Variants in MCF2L2 observed in about 807,000 individuals in gnomAD.
MCF2L2 encodes the protein probable guanine nucleotide exchange factor MCF2L2.
A neutral mutation model predicts 150.2 loss-of-function variants in MCF2L2; 102 were observed. The ratio of observed to expected loss-of-function variants is 0.68; its 90% CI spans 0.58 to 0.80. MCF2L2 has a LOEUF of 0.80. Among genes scored for constraint, MCF2L2 ranks in the 30% least tolerant of loss-of-function variants. MCF2L2 has a pLI of 0.00. For missense variants in MCF2L2, 1,256 were observed against 1,372.8 expected (o/e 0.91, Z 1.34); for synonymous variants, 465 against 491.3 (o/e 0.95, Z 0.71).
chr3:183,392,515 T>A (rs190227759), intron 1 of MCF2L2, among the ~76,000 whole-genome samples: 3 of 152,352 alleles, frequency 2.0e-5, no homozygotes, highest in Admixed American at 2.0e-4. Context: ...CATAATTTGT[T>A]TTTCTAAGAA....
chr3:183,222,191 G>A (rs1266925129), intron 20 of MCF2L2, among the ~76,000 whole-genome samples: 1 of 152,086 alleles, frequency 6.6e-6, no homozygotes, highest in Non-Finnish European at 1.5e-5. Context: ...TTTTTCTGAG[G>A]GGAGACTGTT....
chr3:183,411,439 C>A (rs1375160107), intron 1 of MCF2L2, among the ~76,000 whole-genome samples: 1 of 152,176 alleles, frequency 6.6e-6, no homozygotes, highest in Non-Finnish European at 1.5e-5. Context: ...GGGTCATATT[C>A]ACTAACACCC....
At position 183,370,018 on chromosome 3, in the gene MCF2L2, T is replaced by C. The variant is rs536466637; in HGVS notation, c.275+9279A>G. Among the ~76,000 whole-genome samples, 5 of 152,316 alleles carry C rather than the reference T, an allele frequency of 3.3e-5. No homozygotes were observed. The East Asian group carries it at 9.6e-4, about 29-fold the overall frequency. ...ATAATAAATAGGAGAGGAGGCTGCT[T>C]GTTATGGTATGTGGCTATCATCTTT... On this transcript the variant is annotated intron_variant, in intron 3 of 29. Coordinates refer to ENST00000328913, the MANE Select transcript of MCF2L2 (RefSeq NM_015078.4).
At chr3:183,376,976 AC>A (rs1393691903) in intron 3 of MCF2L2, 2 of 152,186 alleles carry the variant, frequency 1.3e-5, no homozygotes, top group Non-Finnish European at 2.9e-5. Flanking sequence ...ATATTCTTGT[AC>A]CTGCTGTTTT....
chr3:183,392,104 G>C (rs1163881674), intron 1 of MCF2L2, among the ~76,000 whole-genome samples: 1 of 152,042 alleles, frequency 6.6e-6, no homozygotes, highest in African/African-American at 2.4e-5. Flanking sequence ...AAAATCATAA[G>C]GTGTAATTTA....
chr3:183,200,712 G>C (rs1274865947), intron 25 of MCF2L2, among the ~76,000 whole-genome samples: 1 of 152,152 alleles, frequency 6.6e-6, no homozygotes, highest in Non-Finnish European at 1.5e-5. Context: ...CCTATGGCCT[G>C]AATGGTATTG....
At chr3:183,184,979 C>T (rs981493416) in intron 27 of MCF2L2, among the ~76,000 whole-genome samples, 11 of 151,582 alleles carry the variant, frequency 7.3e-5, no homozygotes, top group African/African-American at 1.9e-4. Context: ...TGCAGTGACA[C>T]GATCTCGGCT....
chr3:183,334,256 T>A (rs1188036817), intron 5 of MCF2L2, among the ~76,000 whole-genome samples: 1 of 152,182 alleles, frequency 6.6e-6, no homozygotes, highest in Non-Finnish European at 1.5e-5. Context: ...CAGGCAAGAA[T>A]CTTTAATGGA....
At chr3:183,233,504 G>C (rs1009989533) in intron 15 of MCF2L2, among the ~76,000 whole-genome samples, 1 of 151,958 alleles carries the variant, frequency 6.6e-6, no homozygotes. Context: ...ACACTGATAT[G>C]ACAGAGGCCA....
At position 183,207,580 on chromosome 3, in the gene MCF2L2, C is replaced by T. The variant is rs757534520; in HGVS notation, c.2712+28G>A. The T allele has an allele frequency of 9.9e-6, 15 of 1,522,746 alleles. No homozygotes were observed. The African/African-American group carries it at 1.2e-4, about 13-fold the overall frequency. 94.3% of individuals were successfully genotyped at this position (1,522,746 alleles called of 1,614,324 possible). A position where few individuals can be genotyped will look rare whatever the true frequency, so the allele number is the denominator to read the frequency against. ...TCTCTCTCTTTTCTGCATAGGGCGA[C>T]TCCCAGATGCAATAGGACTCCCTTT... is the stretch of plus-strand genomic sequence containing the variant. On this transcript the variant is annotated intron_variant, in intron 23 of 29. Transcript: ENST00000328913.
rs574155692 is a variant in MCF2L2 at position 183,367,387 on chromosome 3, T to G, written c.275+11910A>C. On this transcript the variant is annotated intron_variant, in intron 3 of 29. Transcript: ENST00000328913. ...GATTACAGGCACCTGCCACCACACCTGGCTACTTTTTTTTGTATTTTTAGT... is the reference window on the plus strand; with the variant it reads ...GATTACAGGCACCTGCCACCACACCGGGCTACTTTTTTTTGTATTTTTAGT... 7.9e-5 allele frequency among the ~76,000 whole-genome samples: 12 copies of G among 151,226 alleles called. No individual in the cohort carries two copies. The East Asian group carries it at 2.3e-3, about 29-fold the overall frequency.
intron 5 of MCF2L2, among the ~76,000 whole-genome samples, chr3:183,334,134 G>A (rs1367399204): frequency 6.6e-6 from 1 of 152,124 alleles, no homozygotes; most frequent in East Asian, 1.9e-4. Flanking sequence ...AGACAAATAG[G>A]TGAGAAGGGA....
intron 22 of MCF2L2, among the ~76,000 whole-genome samples, chr3:183,211,174 C>T (rs1722707263): frequency 6.6e-6 from 1 of 152,150 alleles, no homozygotes; most frequent in Non-Finnish European, 1.5e-5. Flanking sequence ...TGTGGGTGCA[C>T]TTGACATATA....
chr3:183,300,062 G>T lies in MCF2L2; in HGVS notation c.1248C>A (p.Asn416Lys), dbSNP rs755466082. 2 of 1,611,920 alleles carry T rather than the reference G, an allele frequency of 1.2e-6. No individual in the cohort carries two copies. The highest frequency in any genetic ancestry group is 1.7e-5 in the Admixed American group (1 of 59,378). ...RHLCDDFINGNKKKWDILGKS... is the reference protein window; with the variant it reads ...RHLCDDFINGKKKKWDILGKS... ...TTCCTAAAATGTCCCATTTTTTCTT[G>T]TTTCCATTGATGAAATCGTCACAGA... Residue 416 changes from asparagine (N) to lysine (K), a missense_variant, in exon 11 of 30, where the codon AAC (asparagine) becomes AAA (lysine). Transcript: ENST00000328913.
chr3:183,295,452 C>T lies in MCF2L2; in HGVS notation c.1523G>A (p.Arg508Lys). The change falls in exon 13 of 30, where the codon AGG becomes AAG. Residue 508 changes from arginine (R) to lysine (K), a missense_variant. Arg to Lys is a conservative substitution (Grantham distance 26). Transcript: ENST00000328913. ...AAATATTTCCTGGACATCATCCAGC[C>T]TCTGCAAAACTTTCTGGGCTTTGGC... ...AKAKAQKVLQ[R>K]LDDVQEIFHK... 6.2e-7 allele frequency: 1 copy of T among 1,614,126 alleles called. No individual in the cohort carries two copies. The highest frequency in any genetic ancestry group is 8.5e-7 in the Non-Finnish European group (1 of 1,180,006).
intron 13 of MCF2L2, among the ~76,000 whole-genome samples, chr3:183,291,142 T>C (rs1253577079): frequency 6.6e-6 from 1 of 152,190 alleles, no homozygotes; most frequent in Non-Finnish European, 1.5e-5. Context: ...CTCTATAAAG[T>C]GAGTGATTCC....
intron 14 of MCF2L2, among the ~76,000 whole-genome samples, chr3:183,278,254 T>C (rs1454229700): frequency 6.7e-6 from 1 of 150,026 alleles, no homozygotes; most frequent in African/African-American, 2.5e-5. Flanking sequence ...ATAAAAGATA[T>C]CTCATCAGTT....
chr3:183,180,347 GC>G lies in MCF2L2; in HGVS notation c.3017-189del, dbSNP rs56859089. The G allele has an allele frequency of 2.6e-3, 1,356 of 515,834 alleles. 18 individuals are homozygous for G. Among genetic ancestry groups the G allele is most frequent in the African/African-American group, 0.023 (1,204 of 51,990 alleles). 32.0% of individuals were successfully genotyped at this position (515,834 alleles called of 1,614,324 possible). On this transcript the variant is annotated intron_variant, in intron 27 of 29. Coordinates refer to ENST00000328913, the MANE Select transcript of MCF2L2 (RefSeq NM_015078.4). ...GTGATCTCCAGGCTGCTTTTCCAGC[GC>G]CGAGATGCCGTAATTCACCGAGAAG...
intron 1 of MCF2L2, among the ~76,000 whole-genome samples, chr3:183,411,928 T>TA (rs1358844304): frequency 6.6e-5 from 10 of 152,200 alleles, no homozygotes; most frequent in African/African-American, 2.4e-4. Flanking sequence ...GCAAACTCTG[T>TA]AACATGCTGG....
Sources: allele counts gnomAD v4.1 joint callset (sites outside exome capture counted in the v4.1 genomes callset), GRCh38; gene constraint gnomAD v4.1.1; transcripts MANE v1.5; gene names NCBI Gene and HGNC (gene_info 2026-07-23, HGNC 2026-07-21).